KCNU1: variants seen among roughly 807,000 people sequenced by gnomAD.
KCNU1 encodes potassium channel subfamily U member 1.
KCNU1 carries 93 observed loss-of-function variants against 126.8 expected under a neutral mutation model. That is an observed-to-expected ratio of 0.73 (90% CI 0.62 to 0.87). The LOEUF is 0.87. Among genes scored for constraint, KCNU1 ranks in the 40% least tolerant of loss-of-function variants. The pLI is 0.00. For missense variants in KCNU1, 1,330 were observed against 1,367.1 expected (o/e 0.97, Z 0.43); for synonymous variants, 523 against 494.2 (o/e 1.06, Z -0.77).
At chr8:36,865,326 C>G (rs1398194207) in intron 19 of KCNU1, among the ~76,000 whole-genome samples, 1 of 152,074 alleles carries the variant, frequency 6.6e-6, no homozygotes, top group Non-Finnish European at 1.5e-5. Flanking sequence ...AATAAAACTA[C>G]TATATGATCC....
Position 36,833,669 on chromosome 8 carries a change from A to G in KCNU1, c.1212+10A>G. On this transcript the variant is annotated intron_variant, in intron 11 of 26. Coordinates refer to ENST00000399881, the MANE Select transcript of KCNU1 (RefSeq NM_001031836.3). ...TCTGAGGCGAGTTGCGGTAAGATCTAGCTGTTTTTGTTCCTTGTAGTTTTC... is the reference window on the plus strand; with the variant it reads ...TCTGAGGCGAGTTGCGGTAAGATCTGGCTGTTTTTGTTCCTTGTAGTTTTC... 6.4e-7 allele frequency: 1 copy of G among 1,553,502 alleles called. No homozygotes were observed. The highest frequency in any genetic ancestry group is 8.9e-7 in the Non-Finnish European group (1 of 1,125,306).
At chr8:36,816,738 A>G (rs572804269) in intron 9 of KCNU1, among the ~76,000 whole-genome samples, 1 of 152,182 alleles carries the variant, frequency 6.6e-6, no homozygotes, top group African/African-American at 2.4e-5. Context: ...AAACGTAAGA[A>G]AATTTTTCAT....
chr8:36,794,801 T>A (rs559378364), intron 2 of KCNU1, among the ~76,000 whole-genome samples: 37 of 152,202 alleles, frequency 2.4e-4, no homozygotes, highest in Middle Eastern at 3.4e-3. Context: ...GACACACACC[T>A]GTGGTCCCAG....
At position 36,910,056 on chromosome 8, in the gene KCNU1, T is replaced by A. The variant is rs576180270; in HGVS notation, c.2331+521T>A. ...ATGTGGTATGGCGGTTGCAACTATA[T>A]TTTTCCTGAACTTGCATAGATCTAT... is the stretch of plus-strand genomic sequence containing the variant. On this transcript the variant is annotated intron_variant, in intron 21 of 26. Transcript: ENST00000399881. Among the ~76,000 whole-genome samples, 7 of 152,220 alleles carry A rather than the reference T, an allele frequency of 4.6e-5. No homozygotes were observed. The East Asian group carries it at 1.4e-3, about 29-fold the overall frequency.
chr8:36,849,365 G>A (rs539658444), intron 18 of KCNU1, among the ~76,000 whole-genome samples: 28 of 152,206 alleles, frequency 1.8e-4, no homozygotes, highest in South Asian at 6.2e-4. Flanking sequence ...GAGGTGGGCC[G>A]ATCACTTGAG....
intron 18 of KCNU1, among the ~76,000 whole-genome samples, chr8:36,855,428 C>A (rs1805495145): frequency 6.6e-6 from 1 of 152,054 alleles, no homozygotes; most frequent in African/African-American, 2.4e-5. Flanking sequence ...CAGGGAACCA[C>A]CAGACAAGTC....
intron 19 of KCNU1, among the ~76,000 whole-genome samples, chr8:36,877,548 CT>C (rs1434506138): frequency 2.6e-5 from 4 of 152,118 alleles, no homozygotes; most frequent in African/African-American, 9.7e-5. Flanking sequence ...GGTGATCCTC[CT>C]GCCTCGGCCT....
intron 5 of KCNU1, 68 bp downstream of exon 5, chr8:36,806,448 G>A (rs1803506699): frequency 1.3e-6 from 1 of 794,450 alleles, no homozygotes. Flanking sequence ...TCATTTGTAA[G>A]TATCTATTTT....
chr8:36,845,356 C>T (rs1302600773), intron 16 of KCNU1, among the ~76,000 whole-genome samples: 1 of 152,216 alleles, frequency 6.6e-6, no homozygotes, highest in Admixed American at 6.5e-5. Context: ...GTTCAGCTCA[C>T]TGATCAAGTT....
intron 10 of KCNU1, 29 bp downstream of exon 10, chr8:36,817,789 C>A: frequency 6.6e-6 from 7 of 1,059,076 alleles, no homozygotes; most frequent in Non-Finnish European, 5.9e-6. Context: ...CTCATGGGTT[C>A]TAAATTAATA....
intron 23 of KCNU1, among the ~76,000 whole-genome samples, chr8:36,919,870 G>A (rs374727564): frequency 5.9e-5 from 9 of 152,206 alleles, no homozygotes; most frequent in Non-Finnish European, 7.3e-5. Flanking sequence ...CAAAGCAGGG[G>A]AACTTAGAGA....
intron 24 of KCNU1, among the ~76,000 whole-genome samples, chr8:36,928,435 T>C (rs542351932): frequency 6.6e-6 from 1 of 152,186 alleles, no homozygotes; most frequent in African/African-American, 2.4e-5. Context: ...CCAGCCCAGA[T>C]ATCGGGGACT....
chr8:36,885,133 T>G (rs1376618083), intron 19 of KCNU1, among the ~76,000 whole-genome samples: 1 of 152,106 alleles, frequency 6.6e-6, no homozygotes, highest in East Asian at 1.9e-4. Flanking sequence ...AATGAGAAAC[T>G]CCTGGGGGCA....
intron 19 of KCNU1, among the ~76,000 whole-genome samples, chr8:36,876,423 G>A (rs558897575): frequency 6.6e-6 from 1 of 152,166 alleles, no homozygotes; most frequent in African/African-American, 2.4e-5. Context: ...AGGGAATCAG[G>A]AATAAGATCA....
chr8:36,875,161 T>G (rs1388533613), intron 19 of KCNU1, among the ~76,000 whole-genome samples: 1 of 152,026 alleles, frequency 6.6e-6, no homozygotes, highest in African/African-American at 2.4e-5. Context: ...AATGTTCTGT[T>G]TAGATAATGG....
chr8:36,812,295 G>T (rs941593454), intron 7 of KCNU1, among the ~76,000 whole-genome samples: 9 of 149,334 alleles, frequency 6.0e-5, no homozygotes, highest in African/African-American at 2.2e-4. Flanking sequence ...CAAGAGAATT[G>T]CTTGAGCCCA....
intron 18 of KCNU1, among the ~76,000 whole-genome samples, chr8:36,863,536 G>C (rs1219952513): frequency 2.0e-5 from 3 of 152,170 alleles, no homozygotes; most frequent in African/African-American, 7.2e-5. Context: ...AAATTGAAGA[G>C]AAGCATTTAA....
chr8:36,900,207 C>T (rs1418217858), intron 19 of KCNU1, among the ~76,000 whole-genome samples: 2 of 152,094 alleles, frequency 1.3e-5, no homozygotes, highest in African/African-American at 2.4e-5. Flanking sequence ...AGGAAGGAAT[C>T]GCAGAGGCCT....
At chr8:36,888,064 G>T (rs988327091) in intron 19 of KCNU1, among the ~76,000 whole-genome samples, 2 of 152,076 alleles carry the variant, frequency 1.3e-5, no homozygotes, top group Non-Finnish European at 2.9e-5. Context: ...TGTTCAGTTG[G>T]TCGGGGAAAG....
Sources: allele counts gnomAD v4.1 joint callset (sites outside exome capture counted in the v4.1 genomes callset), GRCh38; gene constraint gnomAD v4.1.1; transcripts MANE v1.5; gene names NCBI Gene and HGNC (gene_info 2026-07-23, HGNC 2026-07-21).